Variants in RAB43 observed in about 807,000 individuals in gnomAD.
The protein encoded by RAB43 is RAB43, member RAS oncogene family.
RAB43 carries 6 observed loss-of-function variants against 18.8 expected under a neutral mutation model. The observed-to-expected ratio is 0.32, with a 90% CI of 0.17 to 0.63. The LOEUF (loss-of-function observed/expected upper bound fraction) is 0.63. Ranked by LOEUF, RAB43 falls within the 30% of genes least tolerant of loss-of-function variation. The probability of loss-of-function intolerance (pLI) is 0.79; values close to 1 mark genes in which losing one functional copy is unlikely to be tolerated. For synonymous variants in RAB43, 103 were observed against 124.1 expected (o/e 0.83, Z 1.13); for missense variants, 195 against 289.1 (o/e 0.67, Z 2.36).
intron 1 of RAB43, among the ~76,000 whole-genome samples, chr3:129,119,851 C>T (rs1264105560): frequency 1.3e-5 from 2 of 152,180 alleles, no homozygotes; most frequent in Admixed American, 1.3e-4. Context: ...CAGACACAGA[C>T]CGATAGCACA....
At chr3:129,096,599 A>G in intron 1 of RAB43, among the ~76,000 whole-genome samples, 1 of 152,270 alleles carries the variant, frequency 6.6e-6, no homozygotes, top group Non-Finnish European at 1.5e-5. Context: ...ACACAGAGGC[A>G]AAGTACTCAA....
At chr3:129,092,401 T>C (rs948904153) in intron 2 of RAB43, 1 of 613,938 alleles carries the variant, frequency 1.6e-6, no homozygotes, top group African/African-American at 1.9e-5. Flanking sequence ...ATGGTACAGA[T>C]GAGAGGAGGT....
intron 1 of RAB43, among the ~76,000 whole-genome samples, chr3:129,096,620 A>G (rs1411282472): frequency 6.6e-6 from 1 of 152,228 alleles, no homozygotes; most frequent in Non-Finnish European, 1.5e-5. Flanking sequence ...ACAATCGTCA[A>G]TGTTTCAGAA....
chr3:129,105,335 C>T (rs1326301301), intron 1 of RAB43, among the ~76,000 whole-genome samples: 1 of 152,028 alleles, frequency 6.6e-6, no homozygotes, highest in Non-Finnish European at 1.5e-5. Flanking sequence ...TGTCTGTCAG[C>T]CTGGTTACTC....
rs78121539 is a variant in RAB43, at chr3:129,110,300, G to A, written c.204+10986C>T. On this transcript the variant is annotated intron_variant, in intron 1 of 2. Transcript: ENST00000315150. ...GATCAATTCAACAAAAGCAAGCCAA[G>A]AGGTAGCTGGATAAATGGGGAAAGA... 5.1e-4 allele frequency among the ~76,000 whole-genome samples: 78 copies of A among 152,326 alleles called. 1 individual carries two copies. In the East Asian group the frequency reaches 0.014, roughly 28 times the overall value.
At chr3:129,104,815 T>C (rs1934652430) in intron 1 of RAB43, among the ~76,000 whole-genome samples, 1 of 152,234 alleles carries the variant, frequency 6.6e-6, no homozygotes, top group Non-Finnish European at 1.5e-5. Flanking sequence ...CTCGCCGTTA[T>C]CTTTTCTGGG....
intron 1 of RAB43, among the ~76,000 whole-genome samples, chr3:129,114,676 T>C (rs1014792142): frequency 1.3e-5 from 2 of 151,866 alleles, no homozygotes; most frequent in African/African-American, 4.8e-5. Context: ...CAGTGCAAGG[T>C]AAAGAAACCT....
At chr3:129,091,533 T>G (rs1463966477) in intron 2 of RAB43, among the ~76,000 whole-genome samples, 187 bp from the exon 3 acceptor site, 1 of 152,232 alleles carries the variant, frequency 6.6e-6, no homozygotes, top group Non-Finnish European at 1.5e-5. Context: ...ACGCCTGTAA[T>G]CCCAACACTT....
intron 1 of RAB43, among the ~76,000 whole-genome samples, chr3:129,113,580 C>T (rs974081659): frequency 6.6e-6 from 1 of 152,158 alleles, no homozygotes; most frequent in Non-Finnish European, 1.5e-5. Context: ...GCTCACACAC[C>T]GCTTCTGGGA....
intron 1 of RAB43, among the ~76,000 whole-genome samples, chr3:129,114,934 C>T (rs1935423509): frequency 6.6e-6 from 1 of 152,130 alleles, no homozygotes; most frequent in Non-Finnish European, 1.5e-5. Context: ...TGTTTACGGT[C>T]AGCTGGGCAA....
Position 129,108,010 on chromosome 3 carries a change from G to C in RAB43, c.205-12841C>G, listed in dbSNP as rs183778131. On this transcript the variant is annotated intron_variant, in intron 1 of 2. Coordinates refer to ENST00000315150, the MANE Select transcript of RAB43 (RefSeq NM_198490.3). ...TGCCAGTGCCACCAGGCTGGCCCTCGTATTTGCCATGCTCTCATCTGCCCC... is the reference window on the plus strand; with the variant it reads ...TGCCAGTGCCACCAGGCTGGCCCTCCTATTTGCCATGCTCTCATCTGCCCC... Among the ~76,000 whole-genome samples the C allele has an allele frequency of 5.6e-3, 859 of 152,278 alleles. 3 individuals are homozygous for C. Among genetic ancestry groups the C allele is most frequent in the African/African-American group, 0.015 (611 of 41,554 alleles).
intron 1 of RAB43, among the ~76,000 whole-genome samples, chr3:129,120,654 G>C (rs890380020): frequency 5.3e-5 from 8 of 152,240 alleles, no homozygotes; most frequent in Non-Finnish European, 8.8e-5. Context: ...TATCTGTGAA[G>C]TTTTCAGTTT....
At chr3:129,115,253 C>T (rs1186694037) in intron 1 of RAB43, among the ~76,000 whole-genome samples, 2 of 151,916 alleles carry the variant, frequency 1.3e-5, no homozygotes, top group Admixed American at 6.6e-5. Context: ...TTTGGGAGGC[C>T]GAGGTGGGTA....
rs957702194 is a variant in RAB43, at chr3:129,121,077, C to A, written c.204+209G>T. Among the ~76,000 whole-genome samples the A allele has an allele frequency of 4.6e-4, 68 of 148,700 alleles. 1 individual carries two copies. In the South Asian group the frequency reaches 4.8e-3, roughly 10 times the overall value. On this transcript the variant is annotated intron_variant, in intron 1 of 2. Transcript: ENST00000315150. Reference sequence around the variant, plus strand: ...TCCTCCACACTCCCTCGCCCCCCCCCCCCCCAGCAACCCACGGCCGGCGCT... The same window carrying A: ...TCCTCCACACTCCCTCGCCCCCCCCACCCCCAGCAACCCACGGCCGGCGCT...
At chr3:129,105,957 C>T (rs1297955620) in intron 1 of RAB43, among the ~76,000 whole-genome samples, 1 of 152,174 alleles carries the variant, frequency 6.6e-6, no homozygotes, top group Non-Finnish European at 1.5e-5. Flanking sequence ...AATACTTGCA[C>T]AGTGCCTGCA....
At chr3:129,106,246 G>C (rs574758796) in intron 1 of RAB43, among the ~76,000 whole-genome samples, 6 of 152,236 alleles carry the variant, frequency 3.9e-5, no homozygotes, top group Non-Finnish European at 8.8e-5. Context: ...GCAGGCAGTG[G>C]AAAGTTCCTT....
intron 1 of RAB43, among the ~76,000 whole-genome samples, chr3:129,115,535 G>A (rs1358598716): frequency 6.6e-6 from 1 of 151,158 alleles, no homozygotes; most frequent in Non-Finnish European, 1.5e-5. Context: ...AAAATATTAA[G>A]TAGGCCAGGC....
At chr3:129,102,537 G>A (rs1934488387) in intron 1 of RAB43, among the ~76,000 whole-genome samples, 1 of 146,954 alleles carries the variant, frequency 6.8e-6, no homozygotes, top group Non-Finnish European at 1.5e-5. Context: ...GGCTGAGGCA[G>A]GAGAATGGTG....
chr3:129,111,666 G>C (rs985492401), intron 1 of RAB43, among the ~76,000 whole-genome samples: 9 of 151,988 alleles, frequency 5.9e-5, no homozygotes, highest in African/African-American at 2.2e-4. Flanking sequence ...GAAAACTGTA[G>C]CGTCAGAGTT....
Sources: allele counts gnomAD v4.1 joint callset (sites outside exome capture counted in the v4.1 genomes callset), GRCh38; gene constraint gnomAD v4.1.1; transcripts MANE v1.5; gene names NCBI Gene and HGNC (gene_info 2026-07-23, HGNC 2026-07-21).